STAU1: variants seen among roughly 807,000 people sequenced by gnomAD.
The protein encoded by STAU1 is staufen double-stranded RNA binding protein 1.
In STAU1, 13 loss-of-function variants were observed where a neutral mutation model predicts 62.9. The observed-to-expected ratio is 0.21, with a 90% CI of 0.13 to 0.33. The LOEUF is 0.33. Among genes scored for constraint, STAU1 ranks in the 10% least tolerant of loss-of-function variants. The probability of loss-of-function intolerance (pLI) is 1.00; values close to 1 mark genes in which losing one functional copy is unlikely to be tolerated. For missense variants in STAU1, 571 were observed against 712.1 expected, an observed-to-expected ratio of 0.80 and a Z score of 2.25; for synonymous variants, 269 against 265.1, an observed-to-expected ratio of 1.01 and a Z score of -0.14.
At chr20:49,151,997 A>AT (rs1156503961) in intron 4 of STAU1, among the ~76,000 whole-genome samples, 1 of 152,242 alleles carries the variant, frequency 6.6e-6, no homozygotes, top group Non-Finnish European at 1.5e-5. Flanking sequence ...CTTATAAATT[A>AT]TGAGTTTATC....
intron 3 of STAU1, among the ~76,000 whole-genome samples, chr20:49,164,090 C>T (rs566964699): frequency 1.3e-5 from 2 of 151,924 alleles, no homozygotes; most frequent in South Asian, 2.1e-4. Flanking sequence ...AACAGCCGAG[C>T]GTAGTGGCAG....
intron 6 of STAU1, chr20:49,134,890 G>T (rs573857108): frequency 1.9e-6 from 3 of 1,589,136 alleles, no homozygotes; most frequent in East Asian, 4.5e-5. Flanking sequence ...AACAGCTAAG[G>T]CAAGAGACTG....
chr20:49,134,010 A>G (rs1316906981), intron 6 of STAU1, among the ~76,000 whole-genome samples: 1 of 152,214 alleles, frequency 6.6e-6, no homozygotes, highest in Non-Finnish European at 1.5e-5. Flanking sequence ...CTTCAAAGAT[A>G]TTTTACAGGA....
chr20:49,135,856 G>A lies in STAU1; in HGVS notation c.586C>T (p.Arg196Trp), dbSNP rs759593118. 10 of 1,613,532 alleles carry A rather than the reference G, an allele frequency of 6.2e-6. No individual in the cohort carries two copies. The highest frequency in any genetic ancestry group is 1.1e-5 in the South Asian group (1 of 90,916). Residue 196 changes from arginine to tryptophan, a missense_variant, in exon 6 of 14, where the codon CGG becomes TGG. By Grantham distance (101) the Arg-to-Trp change is moderately radical (BLOSUM62 -3). Around this residue, in one of 3 missense-constraint regions of STAU1, gnomAD observed 414 missense variants for 499.6 expected, o/e 0.83. Coordinates refer to ENST00000371856, the MANE Select transcript of STAU1 (RefSeq NM_017453.4). The part of the protein sequence containing the change: ...ISQVFEIALK[R>W]NLPVNFEVAR... ...ACCTCGAAATTCACAGGCAAGTTCC[G>A]TTTAAGTGCAATCTCAAACACTTGA... is the stretch of plus-strand genomic sequence containing the variant.
At chr20:49,176,562 CATTGTCTG>C in intron 1 of STAU1, among the ~76,000 whole-genome samples, 1 of 152,036 alleles carries the variant, frequency 6.6e-6, no homozygotes, top group Admixed American at 6.6e-5. Context: ...AATTGCTGTT[CATTGTCTG>C]ATTGATTCCA....
rs1194219098 is a variant in STAU1 at position 49,169,741 on chromosome 20, C to G, written c.-84-3456G>C. On this transcript the variant is annotated intron_variant, in intron 2 of 13. Coordinates refer to ENST00000371856, the MANE Select transcript of STAU1 (RefSeq NM_017453.4). ...GCCATTTTCCTGCCTTTCTGCCTCC[C>G]ACACAGATGAGGACCTTTCATCTCC... is the stretch of plus-strand genomic sequence containing the variant. Among the ~76,000 whole-genome samples, 4 of 152,270 alleles carry G rather than the reference C, an allele frequency of 2.6e-5. No individual in the cohort carries two copies. In the East Asian group the frequency reaches 5.8e-4, roughly 22 times the overall value.
chr20:49,178,800 G>A (rs149356494), intron 1 of STAU1, among the ~76,000 whole-genome samples: 108 of 147,966 alleles, frequency 7.3e-4, no homozygotes, highest in African/African-American at 2.4e-3. Flanking sequence ...ATGGCCGGGC[G>A]CGGTGGCTCA....
At chr20:49,125,214 A>AAAACAAAAAAAAAAAAAAAAAC (rs1424641780) in intron 6 of STAU1, among the ~76,000 whole-genome samples, 1 of 146,052 alleles carries the variant, frequency 6.8e-6, no homozygotes, top group African/African-American at 2.5e-5. Flanking sequence ...AAAAAAAAAA[A>AAAACAAAAAAAAAAAAAAAAAC]AAAAAAAAAA....
chr20:49,118,365 A>G lies in STAU1; in HGVS notation c.1157T>C (p.Phe386Ser). 1.2e-6 allele frequency: 2 copies of G among 1,614,006 alleles called. No individual in the cohort carries two copies. Among genetic ancestry groups the G allele is most frequent in the South Asian group, 1.1e-5 (1 of 91,056 alleles). Residue 386 changes from phenylalanine to serine, a missense_variant, in exon 10 of 14, where the codon TTT (phenylalanine) becomes TCT (serine). Transcript: ENST00000371856. ...KPGDGRKVTF[F>S]EPGSGDENGT... ...ATTTTCATCCCCAGAGCCAGGTTCAAAAAAGGTTACTTTTCTTCCATCCCC... is the reference window on the plus strand; with the variant it reads ...ATTTTCATCCCCAGAGCCAGGTTCAGAAAAGGTTACTTTTCTTCCATCCCC...
chr20:49,181,285 C>A (rs2093721205), intron 1 of STAU1, among the ~76,000 whole-genome samples: 1 of 152,168 alleles, frequency 6.6e-6, no homozygotes. Context: ...TCTAACCTGG[C>A]ACATGGTAAG....
At chr20:49,164,313 T>C (rs1012033660) in intron 3 of STAU1, among the ~76,000 whole-genome samples, 2 of 151,732 alleles carry the variant, frequency 1.3e-5, no homozygotes, top group Non-Finnish European at 2.9e-5. Context: ...TTTTTTTCTT[T>C]TGAGACAGGG....
chr20:49,140,927 T>C (rs934159607), intron 5 of STAU1, among the ~76,000 whole-genome samples: 1 of 151,494 alleles, frequency 6.6e-6, no homozygotes, highest in East Asian at 1.9e-4. Context: ...AGAATAAAGC[T>C]TGACAGCTGT....
At chr20:49,123,272 T>C in intron 7 of STAU1, 37 bp from the exon 8 acceptor site, 1 of 1,614,088 alleles carries the variant, frequency 6.2e-7, no homozygotes, top group Non-Finnish European at 8.5e-7. Flanking sequence ...TGTAATGTTA[T>C]TCACCGCATG....
At chr20:49,219,013 C>CAAA in the STAU1 span, among the ~76,000 whole-genome samples, 127 of 52,804 alleles carry the variant, frequency 2.4e-3, no homozygotes, top group African/African-American at 5.5e-3. Context: ...AACCCTGCCT[C>CAAA]AAAAAAAAAA....
At chr20:49,191,215 C>CG (rs1159284272), upstream of STAU1, among the ~76,000 whole-genome samples, 2 of 151,742 alleles carry the variant, frequency 1.3e-5, no homozygotes, top group Non-Finnish European at 2.9e-5. Flanking sequence ...TTAGTACAGA[C>CG]GGGGTTTCGC....
intron 6 of STAU1, among the ~76,000 whole-genome samples, chr20:49,129,126 A>G (rs1568840666): frequency 1.3e-5 from 2 of 151,986 alleles, no homozygotes; most frequent in Admixed American, 6.6e-5. Context: ...GACACTCAAA[A>G]AAACTGGCAA....
At chr20:49,146,692 G>A (rs1600724488) in intron 5 of STAU1, among the ~76,000 whole-genome samples, 1 of 150,152 alleles carries the variant, frequency 6.7e-6, no homozygotes, top group Non-Finnish European at 1.5e-5. Flanking sequence ...GCAACAGAGT[G>A]AGACCCTATC....
intron 4 of STAU1, among the ~76,000 whole-genome samples, chr20:49,152,763 C>A (rs1017056584): frequency 6.6e-6 from 1 of 152,122 alleles, no homozygotes; most frequent in Non-Finnish European, 1.5e-5. Context: ...CAAAAAGTAC[C>A]CAATAATCAG....
chr20:49,166,182 T>C lies in STAU1; in HGVS notation c.20A>G (p.Gln7Arg). The C allele has an allele frequency of 6.2e-7, 1 of 1,614,184 alleles. No individual in the cohort carries two copies. Reference sequence around the variant, plus strand: ...GAGAGCAGCAGATGGGTTCTGAACTTGCACTTGAACTTGAGACATGGTCAC... The same window carrying C: ...GAGAGCAGCAGATGGGTTCTGAACTCGCACTTGAACTTGAGACATGGTCAC... MSQVQV[Q>R]VQNPSAALSG... is the part of the protein sequence containing the mutation. Residue 7 changes from glutamine to arginine, a missense_variant, in exon 3 of 14, where the codon CAA (glutamine) becomes CGA (arginine). Around this residue, in one of 3 missense-constraint regions of STAU1, gnomAD observed 414 missense variants for 499.6 expected, o/e 0.83. Coordinates refer to ENST00000371856, the MANE Select transcript of STAU1 (RefSeq NM_017453.4).
Sources: allele counts gnomAD v4.1 joint callset (sites outside exome capture counted in the v4.1 genomes callset), GRCh38; gene constraint gnomAD v4.1.1; regional missense constraint gnomAD v4.1.1; transcripts MANE v1.5; gene names NCBI Gene and HGNC (gene_info 2026-07-23, HGNC 2026-07-21).